ELP4: variants seen among roughly 807,000 people sequenced by gnomAD.
ELP4 encodes elongator acetyltransferase complex subunit 4, also known as elongator complex protein 4.
A neutral mutation model predicts 48.9 loss-of-function variants in ELP4; 51 were observed. The observed-to-expected ratio is 1.04, with a 90% CI of 0.83 to 1.32. The LOEUF (loss-of-function observed/expected upper bound fraction) is 1.32. Among genes scored for constraint, ELP4 ranks in the 40% most tolerant of loss-of-function variants. The pLI is 0.00. For missense variants in ELP4, 519 were observed against 514.6 expected, an observed-to-expected ratio of 1.01 and a Z score of -0.08; for synonymous variants, 210 against 189.2, an observed-to-expected ratio of 1.11 and a Z score of -0.90.
At chr11:31,602,186 AG>A (rs922858058) in intron 4 of ELP4, among the ~76,000 whole-genome samples, 116 of 152,162 alleles carry the variant, frequency 7.6e-4, no homozygotes, top group African/African-American at 2.0e-3. Flanking sequence ...TAAAACATTA[AG>A]GGGGCTTGGA....
intron 9 of ELP4, among the ~76,000 whole-genome samples, chr11:31,655,090 AT>A (rs369027055): frequency 1.3e-5 from 2 of 152,124 alleles, no homozygotes; most frequent in Admixed American, 6.6e-5. Context: ...CCAAATTAAC[AT>A]TTTTTAACAA....
chr11:31,544,330 G>A (rs1015655759), intron 3 of ELP4, among the ~76,000 whole-genome samples: 1 of 152,170 alleles, frequency 6.6e-6, no homozygotes, highest in Admixed American at 6.5e-5. Flanking sequence ...TTTAAAAAAC[G>A]GCGCATCAGG....
intron 4 of ELP4, 105 bp downstream of exon 4, chr11:31,595,006 T>C: frequency 1.1e-6 from 1 of 903,796 alleles, no homozygotes; most frequent in Non-Finnish European, 1.6e-6. Context: ...ATTTAAAGAA[T>C]TAGCTGTTTC....
intron 9 of ELP4, among the ~76,000 whole-genome samples, chr11:31,735,312 A>G (rs190327665): frequency 6.6e-6 from 1 of 152,232 alleles, no homozygotes; most frequent in Admixed American, 6.5e-5. Flanking sequence ...GCTGTATGAC[A>G]TTGATCTTGG....
At chr11:31,782,565 A>G (rs1284420432) in intron 9 of ELP4, among the ~76,000 whole-genome samples, 2 of 152,260 alleles carry the variant, frequency 1.3e-5, no homozygotes, top group African/African-American at 4.8e-5. Context: ...TTTTGAAAAC[A>G]GAAAAATGTT....
At chr11:31,577,250 C>T (rs1481952020) in intron 3 of ELP4, among the ~76,000 whole-genome samples, 1 of 152,094 alleles carries the variant, frequency 6.6e-6, no homozygotes, top group Non-Finnish European at 1.5e-5. Flanking sequence ...AGTTGAATCC[C>T]TGTATAGACC....
At chr11:31,590,485 C>T (rs1565069265) in intron 3 of ELP4, among the ~76,000 whole-genome samples, 3 of 152,258 alleles carry the variant, frequency 2.0e-5, no homozygotes, top group Admixed American at 6.5e-5. Flanking sequence ...TATAAACCTT[C>T]GTGACTTCGA....
intron 9 of ELP4, among the ~76,000 whole-genome samples, chr11:31,684,864 G>C (rs1278775826): frequency 2.0e-5 from 3 of 152,162 alleles, no homozygotes; most frequent in Admixed American, 6.5e-5. Context: ...ACTGAACACT[G>C]TCTTCACAGG....
chr11:31,626,595 C>G (rs1944748969), intron 5 of ELP4, among the ~76,000 whole-genome samples: 1 of 151,770 alleles, frequency 6.6e-6, no homozygotes, highest in Admixed American at 6.6e-5. Flanking sequence ...AAGTGAAAAT[C>G]ATACTCACTT....
chr11:31,620,912 G>C lies in ELP4; in HGVS notation c.654-6198G>C, dbSNP rs572673847. On this transcript the variant is annotated intron_variant, in intron 5 of 9. Coordinates refer to ENST00000640961, the MANE Select transcript of ELP4 (RefSeq NM_019040.5). ...CATTCCTACACTTTATATGTTCTTA[G>C]TTGAACATCCATGGTGAAGATAATC... Among the ~76,000 whole-genome samples the C allele has an allele frequency of 4.7e-4, 71 of 151,738 alleles. 1 individual carries two copies. The highest frequency in any genetic ancestry group is 8.4e-4 in the Non-Finnish European group (57 of 67,890).
At chr11:31,686,840 G>A (rs1946171353) in intron 9 of ELP4, among the ~76,000 whole-genome samples, 1 of 150,842 alleles carries the variant, frequency 6.6e-6, no homozygotes, top group Non-Finnish European at 1.5e-5. Context: ...GTGCACTCCT[G>A]CCTGGGCAAC....
chr11:31,783,684 A>C lies in ELP4; in HGVS notation c.*160A>C. ...CATTTCTCATTTTTTAACTTTTTAC[A>C]GAACTAGCACAGCAGAAATACTTTT... is the stretch of plus-strand genomic sequence containing the variant. On this transcript the variant is annotated 3_prime_UTR_variant, in exon 10 of 10. Transcript: ENST00000640961. 1 of 657,616 alleles carries C rather than the reference A, an allele frequency of 1.5e-6. No individual in the cohort carries two copies. The highest frequency in any genetic ancestry group is 2.5e-6 in the Non-Finnish European group (1 of 403,184). The allele number at this position is 657,616 out of a possible 1,614,324, so 40.7% of individuals were successfully genotyped here. A position where few individuals can be genotyped will look rare whatever the true frequency, so the allele number is the denominator to read the frequency against.
chr11:31,576,483 T>G (rs927017161), intron 3 of ELP4, among the ~76,000 whole-genome samples: 1 of 152,196 alleles, frequency 6.6e-6, no homozygotes, highest in Non-Finnish European at 1.5e-5. Context: ...ATCAACAGAA[T>G]ATACATTCTT....
Position 31,789,822 on chromosome 11 carries a change from C to T in ELP4, c.*6298C>T, listed in dbSNP as rs755533758. 44 of 927,258 alleles carry T rather than the reference C, an allele frequency of 4.7e-5. No homozygotes were observed. The highest frequency in any genetic ancestry group is 6.9e-5 in the Non-Finnish European group (40 of 579,366). 57.4% of individuals were successfully genotyped at this position (927,258 alleles called of 1,614,324 possible). ...ACAGGACACAATTGTAGAACTGAAGCGGCTCTAACAGCCATTTTTCTTTCT... is the reference window on the plus strand; with the variant it reads ...ACAGGACACAATTGTAGAACTGAAGTGGCTCTAACAGCCATTTTTCTTTCT... On this transcript the variant is annotated 3_prime_UTR_variant, in exon 10 of 10. Transcript: ENST00000640961.
Position 31,511,090 on chromosome 11 carries a change from G to A in ELP4, c.223+1083G>A, listed in dbSNP as rs971226869. 5 of 152,304 alleles carry A rather than the reference G, an allele frequency of 3.3e-5. No homozygotes were observed. In the South Asian group the frequency reaches 6.2e-4, roughly 19 times the overall value. 9.4% of individuals were successfully genotyped at this position (152,304 alleles called of 1,614,324 possible). ...GAAGACCAGCAACCTATGAGAAAGA[G>A]TATGGCTTCTTGATTCTCTCATTTC... On this transcript the variant is annotated intron_variant, in intron 1 of 9. Transcript: ENST00000640961.
rs1957823917 is a variant in ELP4, at chr11:31,603,799, A to G, written c.545A>G (p.His182Arg). The change falls in exon 5 of 10, where the codon CAC (histidine) becomes CGC (arginine). Residue 182 changes from histidine to arginine, a missense_variant. By Grantham distance (29) the His-to-Arg change is conservative. Transcript: ENST00000640961. ...IGPVSSSRFGHYYDASKRMPQ... is the reference protein window; with the variant it reads ...IGPVSSSRFGRYYDASKRMPQ... The stretch of plus-strand genomic sequence containing the variant: ...CCAGTATCATCTTCAAGATTTGGTC[A>G]CTATTATGATGCATCAAAAAGAATG... The G allele has an allele frequency of 1.9e-6, 3 of 1,609,028 alleles. No individual in the cohort carries two copies. The South Asian group carries it at 3.3e-5, about 18-fold the overall frequency.
chr11:31,543,556 T>TG (rs1205196434), intron 3 of ELP4, among the ~76,000 whole-genome samples: 1 of 152,108 alleles, frequency 6.6e-6, no homozygotes, highest in Non-Finnish European at 1.5e-5. Context: ...CCTGACCTCA[T>TG]GATCTGCCCA....
In ELP4 at chr11:31,702,861, A is replaced by G. The variant is rs1377261876; in HGVS notation, c.1143+52640A>G. On this transcript the variant is annotated intron_variant, in intron 9 of 9. Transcript: ENST00000640961. Reference sequence around the variant, plus strand: ...AATGAGGATATCAATGCCTATATCAAAAGGTTGTTAGATGGACCAGTTAAT... The same window carrying G: ...AATGAGGATATCAATGCCTATATCAGAAGGTTGTTAGATGGACCAGTTAAT... 1.2e-4 allele frequency among the ~76,000 whole-genome samples: 19 copies of G among 152,292 alleles called. 2 individuals carry two copies. The South Asian group carries it at 3.7e-3, about 30-fold the overall frequency.
At chr11:31,637,578 A>G (rs887502623) in intron 7 of ELP4, among the ~76,000 whole-genome samples, 2 of 151,958 alleles carry the variant, frequency 1.3e-5, no homozygotes, top group Non-Finnish European at 2.9e-5. Flanking sequence ...AGAAACAGAA[A>G]TGTTTTTGTA....
Sources: gnomAD v4.1 joint callset for allele counts (sites outside exome capture counted in the v4.1 genomes callset) on GRCh38, gnomAD v4.1.1 for gene constraint, MANE v1.5 for transcripts, NCBI Gene and HGNC (gene_info 2026-07-23, HGNC 2026-07-21) for gene names.